The following COLEC10 variants were observed in gnomAD, a reference collection of about 807,000 sequenced individuals.
The protein encoded by COLEC10 is collectin subfamily member 10.
A neutral mutation model predicts 28.4 loss-of-function variants in COLEC10; 22 were observed. That is an observed-to-expected ratio of 0.78 (90% CI 0.55 to 1.11). The LOEUF (loss-of-function observed/expected upper bound fraction) is 1.11, where lower values mean the gene tolerates loss of function less well. COLEC10 is among the 50% of genes least tolerant of loss of function. The pLI is 0.00. For synonymous variants in COLEC10, 125 were observed against 116.1 expected (o/e 1.08, Z -0.49); for missense variants, 361 against 344.1 (o/e 1.05, Z -0.39).
the COLEC10 span, among the ~76,000 whole-genome samples, chr8:118,955,530 T>G: frequency 6.6e-6 from 1 of 152,204 alleles, no homozygotes; most frequent in Non-Finnish European, 1.5e-5. Flanking sequence ...CATAGCCCTT[T>G]CTTTGAAAAT....
intron 3 of COLEC10, among the ~76,000 whole-genome samples, chr8:119,095,674 C>G (rs1397646066): frequency 6.6e-6 from 1 of 152,154 alleles, no homozygotes; most frequent in African/African-American, 2.4e-5. Flanking sequence ...TGCACTCCAA[C>G]CTGGGCAACA....
the COLEC10 span, among the ~76,000 whole-genome samples, chr8:118,958,272 G>A: frequency 6.6e-6 from 1 of 152,206 alleles, no homozygotes; most frequent in African/African-American, 2.4e-5. Flanking sequence ...GGGGGCGAGA[G>A]CAGTGGAACT....
the COLEC10 span, among the ~76,000 whole-genome samples, chr8:118,981,594 T>C: frequency 6.6e-6 from 1 of 152,166 alleles, no homozygotes; most frequent in East Asian, 1.9e-4. Context: ...ATCTTCTGTT[T>C]GCTGTAGTAA....
At chr8:119,056,580 C>T (rs1044216061) in intron 2 of COLEC10, among the ~76,000 whole-genome samples, 7 of 151,968 alleles carry the variant, frequency 4.6e-5, no homozygotes, top group Admixed American at 2.6e-4. Flanking sequence ...GGCAGTAACA[C>T]GGTGCTACTA....
intron 2 of COLEC10, among the ~76,000 whole-genome samples, chr8:119,057,021 G>A (rs1814773815): frequency 6.6e-6 from 1 of 151,924 alleles, no homozygotes; most frequent in African/African-American, 2.4e-5. Context: ...CACTTTACTT[G>A]GATAACTGAC....
At chr8:119,016,491 G>A (rs1586999605) in intron 2 of COLEC10, among the ~76,000 whole-genome samples, 1 of 152,096 alleles carries the variant, frequency 6.6e-6, no homozygotes, top group African/African-American at 2.4e-5. Context: ...AAACATATGT[G>A]TGCATGTGTC....
chr8:119,017,989 A>T (rs982694061), intron 2 of COLEC10, among the ~76,000 whole-genome samples: 3 of 152,150 alleles, frequency 2.0e-5, no homozygotes. Flanking sequence ...AACGTAAAGG[A>T]CTTACCCCAT....
chr8:118,993,829 T>A (rs559124464), upstream of COLEC10, among the ~76,000 whole-genome samples: 1 of 152,198 alleles, frequency 6.6e-6, no homozygotes, highest in East Asian at 1.9e-4. Flanking sequence ...CTTCAACATA[T>A]GAATTTTGGG....
intron 2 of COLEC10, among the ~76,000 whole-genome samples, chr8:119,015,439 A>T (rs1451094215): frequency 1.4e-5 from 2 of 146,158 alleles, no homozygotes; most frequent in Non-Finnish European, 2.9e-5. Flanking sequence ...TTTCTGCTGA[A>T]GGCAGATCTT....
the COLEC10 span, among the ~76,000 whole-genome samples, chr8:118,966,264 A>G: frequency 6.6e-6 from 1 of 152,170 alleles, no homozygotes; most frequent in Non-Finnish European, 1.5e-5. Context: ...AGGATACCAC[A>G]TTAGTTCATT....
chr8:119,000,851 T>C (rs13264791), intron 1 of COLEC10, among the ~76,000 whole-genome samples: 98,372 of 152,124 alleles, frequency 0.65, 33,564 homozygotes, highest in African/African-American at 0.87. Flanking sequence ...ATATTGAATC[T>C]GCTGAGGGTG....
chr8:119,091,573 AAGAGAG>A (rs765113777), intron 3 of COLEC10, among the ~76,000 whole-genome samples: 1 of 140,556 alleles, frequency 7.1e-6, no homozygotes, highest in Non-Finnish European at 1.5e-5. Flanking sequence ...GAAAGAAAGA[AAGAGAG>A]AGAGAGAGAG....
intron 2 of COLEC10, among the ~76,000 whole-genome samples, chr8:119,028,421 A>G (rs754965727): frequency 3.4e-4 from 51 of 152,182 alleles, no homozygotes; most frequent in Admixed American, 2.7e-3. Flanking sequence ...TAACAGTTCC[A>G]TATGGCTGGG....
At chr8:119,105,618 T>C (rs1815921350) in intron 5 of COLEC10, among the ~76,000 whole-genome samples, 182 bp from the exon 6 acceptor site, 1 of 152,128 alleles carries the variant, frequency 6.6e-6, no homozygotes, top group African/African-American at 2.4e-5. Context: ...ACGGTAGATA[T>C]GTGTTCTCTA....
At chr8:118,959,913 T>A in the COLEC10 span, among the ~76,000 whole-genome samples, 3 of 152,312 alleles carry the variant, frequency 2.0e-5, no homozygotes, top group Middle Eastern at 3.4e-3. Flanking sequence ...AGTAAAGAAG[T>A]GATGCAGAAA....
At chr8:119,024,258 G>A (rs1182704807) in intron 2 of COLEC10, among the ~76,000 whole-genome samples, 7 of 152,034 alleles carry the variant, frequency 4.6e-5, no homozygotes, top group East Asian at 3.9e-4. Context: ...TGAGGCCTTC[G>A]CTCTTGCCGT....
intron 1 of COLEC10, among the ~76,000 whole-genome samples, chr8:119,083,229 G>A (rs1345673594): frequency 6.6e-6 from 1 of 152,160 alleles, no homozygotes; most frequent in Admixed American, 6.6e-5. Flanking sequence ...GCTTTCCCCT[G>A]TAATGACTGT....
the COLEC10 span, among the ~76,000 whole-genome samples, chr8:118,968,439 A>G: frequency 2.0e-5 from 3 of 151,974 alleles, no homozygotes; most frequent in Non-Finnish European, 4.4e-5. Context: ...TTTGCCATAG[A>G]ACTCCTTTAC....
rs141433927 is a variant in COLEC10, at chr8:119,052,560, T to A, written n.236-37120T>A. ...GCATTTGTTAGTTATACAAATTCAT[T>A]ATGTCCTCTTAAAGTTCCCCATGTC... On this transcript the variant is annotated intron_variant and non_coding_transcript_variant, in intron 2 of 6. Coordinates refer to the COLEC10 transcript ENST00000521788. 1.9e-3 allele frequency among the ~76,000 whole-genome samples: 296 copies of A among 152,272 alleles called. 3 individuals are homozygous for A. Among genetic ancestry groups the A allele is most frequent in the African/African-American group, 6.9e-3 (286 of 41,566 alleles).
Sources: allele counts gnomAD v4.1 joint callset (sites outside exome capture counted in the v4.1 genomes callset), GRCh38; gene constraint gnomAD v4.1.1; transcripts MANE v1.5; gene names NCBI Gene and HGNC (gene_info 2026-07-23, HGNC 2026-07-21).